Variants in SRSF9 observed in about 807,000 individuals in gnomAD.
SRSF9 encodes serine/arginine-rich splicing factor 9.
In SRSF9, 3 loss-of-function variants were observed where a neutral mutation model predicts 25.9. The observed-to-expected ratio is 0.12, with a 90% CI of 0.05 to 0.30. The LOEUF (loss-of-function observed/expected upper bound fraction) is 0.30. Among genes scored for constraint, SRSF9 ranks in the 10% least tolerant of loss-of-function variants. The probability of loss-of-function intolerance (pLI) is 1.00; values close to 1 mark genes in which losing one functional copy is unlikely to be tolerated. For missense variants in SRSF9, 161 were observed against 303.5 expected (o/e 0.53, Z 3.49); for synonymous variants, 114 against 113.2 (o/e 1.01, Z -0.05).
In SRSF9 at chr12:120,469,658, C is replaced by CGCA; in HGVS notation, c.-50_-49insTGC. 1 of 1,164,856 alleles carries CGCA rather than the reference C, an allele frequency of 8.6e-7. No individual in the cohort carries two copies. Among genetic ancestry groups the CGCA allele is most frequent in the Non-Finnish European group, 1.1e-6 (1 of 928,426 alleles). 72.2% of individuals were successfully genotyped at this position (1,164,856 alleles called of 1,614,324 possible). On this transcript the variant is annotated 5_prime_UTR_variant, in exon 1 of 4. Transcript: ENST00000229390. ...CCGCCGCAGCCCACGTCGCCGCCGC[C>CGCA]GCCTCAGCACGGGTCCCCCCGCAGC...
intron 2 of SRSF9, 183 bp downstream of exon 2, chr12:120,465,444 G>A: frequency 3.7e-6 from 2 of 546,748 alleles, no homozygotes; most frequent in Middle Eastern, 3.9e-4. Context: ...TGCACTCCCA[G>A]CGCAATTTCA....
intron 3 of SRSF9, 92 bp from the exon 4 acceptor site, chr12:120,462,254 A>G (rs1878366831): frequency 2.2e-6 from 3 of 1,382,482 alleles, no homozygotes; most frequent in Admixed American, 2.2e-5. Context: ...ATAGTTAAGT[A>G]TTGAGCACTT....
chr12:120,467,546 A>G (rs771506698), intron 1 of SRSF9, among the ~76,000 whole-genome samples: 2 of 152,132 alleles, frequency 1.3e-5, no homozygotes, highest in African/African-American at 4.8e-5. Context: ...TCAAATCACT[A>G]TTCTGCAAAT....
Position 120,469,553 on chromosome 12 carries a change from C to A in SRSF9, c.57G>T (p.Gly19=). ...GGEGDGRIYV[G]NLPTDVREKD... ...TCTCGCGCACGTCGGTCGGAAGGTT[C>A]CCCACGTAGATGCGCCCGTCGCCCT... Residue 19 remains glycine (G), a synonymous_variant, in exon 1 of 4, where the codon GGG becomes GGT. Coordinates refer to ENST00000229390, the MANE Select transcript of SRSF9 (RefSeq NM_003769.3). 4 of 1,579,308 alleles carry A rather than the reference C, an allele frequency of 2.5e-6. No individual in the cohort carries two copies. The highest frequency in any genetic ancestry group is 3.4e-6 in the Non-Finnish European group (4 of 1,165,466).
intron 1 of SRSF9, among the ~76,000 whole-genome samples, 195 bp downstream of exon 1, chr12:120,469,227 G>A (rs1878570927): frequency 6.6e-6 from 1 of 151,972 alleles, no homozygotes; most frequent in Admixed American, 6.5e-5. Flanking sequence ...AGGAAGTGAC[G>A]ACGGCGCGAA....
intron 3 of SRSF9, 120 bp downstream of exon 3, chr12:120,463,830 G>C: frequency 8.4e-7 from 1 of 1,189,674 alleles, no homozygotes; most frequent in Non-Finnish European, 1.2e-6. Flanking sequence ...GTCCACCTAA[G>C]ATAGATCTCT....
intron 3 of SRSF9, 83 bp from the exon 4 acceptor site, chr12:120,462,245 T>C: frequency 6.9e-7 from 1 of 1,440,594 alleles, no homozygotes; most frequent in Non-Finnish European, 9.4e-7. Flanking sequence ...CTAACAATAA[T>C]AGTTAAGTAT....
chr12:120,462,424 TACTC>T (rs1878372090), intron 3 of SRSF9: 3 of 337,798 alleles, frequency 8.9e-6, no homozygotes, highest in South Asian at 1.0e-4. Flanking sequence ...GACATGTTGA[TACTC>T]AATTAACTAT....
Position 120,468,094 on chromosome 12 carries a change from C to CA in SRSF9, c.188+1327dup, listed in dbSNP as rs62860261. Among the ~76,000 whole-genome samples, 606 of 91,702 alleles carry CA rather than the reference C, an allele frequency of 6.6e-3. 6 individuals are homozygous for CA. Among genetic ancestry groups the CA allele is most frequent in the East Asian group, 0.015 (46 of 3,070 alleles). The allele number at this position is 91,702 out of a possible 152,430, so 60.2% of individuals were successfully genotyped here. On this transcript the variant is annotated intron_variant, in intron 1 of 3. Transcript: ENST00000229390. ...GGGCAACAAGAGTGAAGACCTGTCT[C>CA]AAAAAAAAAAAAAAAATAGTACCTA...
chr12:120,467,010 G>C (rs1485228554), intron 1 of SRSF9, among the ~76,000 whole-genome samples: 1 of 152,216 alleles, frequency 6.6e-6, no homozygotes, highest in Non-Finnish European at 1.5e-5. Context: ...TTGGATGGTA[G>C]AAAGTGTGAC....
chr12:120,463,875 C>T, intron 3 of SRSF9, 75 bp downstream of exon 3: 1 of 1,512,338 alleles, frequency 6.6e-7, no homozygotes, highest in Non-Finnish European at 8.9e-7. Flanking sequence ...GGCATGGCCT[C>T]TTGCTACCTC....
chr12:120,469,423 G>C lies in SRSF9; in HGVS notation c.187C>G (p.Arg63Gly), dbSNP rs1461341163. The change falls in exon 1 of 4, where the codon CGA becomes GGA. Residue 63 changes from arginine to glycine, a missense_variant and splice_region_variant. By Grantham distance (125) the Arg-to-Gly change is moderately radical (BLOSUM62 -2). Coordinates refer to ENST00000229390, the MANE Select transcript of SRSF9 (RefSeq NM_003769.3). The stretch of plus-strand genomic sequence containing the variant: ...AGGGCAGGGGCGCGGGGGCCTCACC[G>C]GGGGTCCTCGAAGCGCACGAAGGCG... ...PFAFVRFEDPRDAEDAIYGRN... is the reference protein window; with the variant it reads ...PFAFVRFEDPGDAEDAIYGRN... The C allele has an allele frequency of 1.3e-6, 2 of 1,581,104 alleles. No homozygotes were observed. Among genetic ancestry groups the C allele is most frequent in the Non-Finnish European group, 1.7e-6 (2 of 1,164,852 alleles).
In SRSF9 at chr12:120,465,804, CAACA is replaced by C; in HGVS notation, c.189-21_189-18del. 1.3e-6 allele frequency: 2 copies of C among 1,531,176 alleles called. No individual in the cohort carries two copies. Among genetic ancestry groups the C allele is most frequent in the Admixed American group, 4.6e-5 (2 of 43,784 alleles). 94.8% of individuals were successfully genotyped at this position (1,531,176 alleles called of 1,614,324 possible). A position where few individuals can be genotyped will look rare whatever the true frequency, so the allele number is the denominator to read the frequency against. On this transcript the variant is annotated intron_variant, in intron 1 of 3. Transcript: ENST00000229390. ...TCTGCATCTCTAAAAAAAACAACAA[CAACA>C]AAAAAAACGTTTGGAGTTAGTGCTG...
rs554150236 is a variant in SRSF9 at position 120,467,576 on chromosome 12, G to GT, written c.189-1790dup. 2.4e-3 allele frequency among the ~76,000 whole-genome samples: 364 copies of GT among 152,228 alleles called. 1 individual carries two copies. Among genetic ancestry groups the GT allele is most frequent in the African/African-American group, 8.1e-3 (337 of 41,522 alleles). On this transcript the variant is annotated intron_variant, in intron 1 of 3. Transcript: ENST00000229390. ...GCAAATTACTAGTAGTCATCTCTGG[G>GT]TAAGTGTTTAATCAAGTTTTTACAT...
chr12:120,469,298 AG>A (rs1195013772), intron 1 of SRSF9, 123 bp downstream of exon 1: 2 of 549,074 alleles, frequency 3.6e-6, no homozygotes, highest in Non-Finnish European at 5.9e-6. Context: ...GGGCGCCGTG[AG>A]GGGTCTGCGC....
At chr12:120,464,302 A>G in intron 2 of SRSF9, 180 bp from the exon 3 acceptor site, 1 of 647,836 alleles carries the variant, frequency 1.5e-6, no homozygotes, top group Non-Finnish European at 2.4e-6. Context: ...GTGGTAAATG[A>G]ACCACCTTGA....
At chr12:120,468,946 C>T (rs1878560076) in intron 1 of SRSF9, among the ~76,000 whole-genome samples, 1 of 151,854 alleles carries the variant, frequency 6.6e-6, no homozygotes, top group Non-Finnish European at 1.5e-5. Context: ...GCGAGCTATT[C>T]CACCAGAGAT....
chr12:120,465,157 T>C (rs560502476), intron 2 of SRSF9: 3 of 152,534 alleles, frequency 2.0e-5, no homozygotes, highest in African/African-American at 7.2e-5. Flanking sequence ...TAGACAGAAA[T>C]AGTCTATACT....
At chr12:120,465,595 G>A (rs569723196) in intron 2 of SRSF9, 32 bp downstream of exon 2, 2 of 1,554,406 alleles carry the variant, frequency 1.3e-6, no homozygotes, top group South Asian at 1.2e-5. Context: ...TATTTTACAT[G>A]TATCATCTCA....
Sources: allele counts gnomAD v4.1 joint callset (sites outside exome capture counted in the v4.1 genomes callset), GRCh38; gene constraint gnomAD v4.1.1; transcripts MANE v1.5; gene names NCBI Gene and HGNC (gene_info 2026-07-23, HGNC 2026-07-21).